The following PHACTR1 variants were observed in gnomAD, a reference collection of about 807,000 sequenced individuals.
PHACTR1 encodes the protein phosphatase and actin regulator 1.
PHACTR1 carries 16 observed loss-of-function variants against 69.2 expected under a neutral mutation model. The observed-to-expected ratio is 0.23, with a 90% CI of 0.16 to 0.35. The LOEUF (loss-of-function observed/expected upper bound fraction) is 0.35. Among genes scored for constraint, PHACTR1 ranks in the 10% least tolerant of loss-of-function variants. The probability of loss-of-function intolerance (pLI) is 1.00; values close to 1 mark genes in which losing one functional copy is unlikely to be tolerated. For missense variants in PHACTR1, 510 were observed against 734.7 expected, an observed-to-expected ratio of 0.69 and a Z score of 3.54; for synonymous variants, 312 against 284.5, an observed-to-expected ratio of 1.10 and a Z score of -0.97.
chr6:12,948,244 C>G, intron 4 of PHACTR1, among the ~76,000 whole-genome samples: 1 of 152,186 alleles, frequency 6.6e-6, no homozygotes, highest in South Asian at 2.1e-4. Flanking sequence ...TGTACAGAGC[C>G]CCTGAGATTA....
intron 3 of PHACTR1, among the ~76,000 whole-genome samples, chr6:12,725,224 C>A (rs1464197321): frequency 6.6e-6 from 1 of 152,196 alleles, no homozygotes; most frequent in African/African-American, 2.4e-5. Flanking sequence ...ACTTTTGAGT[C>A]TTCAGCTTTG....
intron 4 of PHACTR1, among the ~76,000 whole-genome samples, chr6:13,022,067 C>T (rs763465894): frequency 6.6e-6 from 1 of 152,236 alleles, no homozygotes; most frequent in African/African-American, 2.4e-5. Context: ...CCTGGAGATT[C>T]ACACTTTACT....
chr6:13,003,965 G>GTATATA lies in PHACTR1; in HGVS notation c.251-49391_251-49386dup, dbSNP rs772804033. Among the ~76,000 whole-genome samples, 125 of 96,192 alleles carry GTATATA rather than the reference G, an allele frequency of 1.3e-3. 3 individuals are homozygous for GTATATA. Among genetic ancestry groups the GTATATA allele is most frequent in the African/African-American group, 6.9e-3 (116 of 16,896 alleles). 63.1% of individuals were successfully genotyped at this position (96,192 alleles called of 152,430 possible). On this transcript the variant is annotated intron_variant, in intron 4 of 14. Transcript: ENST00000332995. ...CAGTAGTATTCCTATATATATATAT[G>GTATATA]TATATATATATATACACATATATAT...
chr6:12,897,900 T>C (rs1343192232), intron 4 of PHACTR1, among the ~76,000 whole-genome samples: 1 of 152,090 alleles, frequency 6.6e-6, no homozygotes, highest in Non-Finnish European at 1.5e-5. Flanking sequence ...GTGCGTGATG[T>C]TCCCCTCCTT....
At position 12,718,761 on chromosome 6, in the gene PHACTR1, T is replaced by C; in HGVS notation, c.17T>C (p.Met6Thr). ...ACATCAAGGATGGATTATCCCAAAA[T>C]GGATTATTTTCTGGATGTAGAGTCT... MDYPKMDYFLDVESAH... is the reference protein window; with the variant it reads MDYPKTDYFLDVESAH... The change falls in exon 3 of 15, where the codon ATG becomes ACG. Residue 6 changes from methionine (M) to threonine (T), a missense_variant. This residue lies in a region of PHACTR1 where 419 missense variants were observed against 530.9 expected (regional missense o/e 0.79). Coordinates refer to ENST00000332995, the MANE Select transcript of PHACTR1 (RefSeq NM_030948.6). 1.3e-6 allele frequency: 2 copies of C among 1,554,580 alleles called. No homozygotes were observed. Among genetic ancestry groups the C allele is most frequent in the Non-Finnish European group, 1.7e-6 (2 of 1,144,946 alleles).
At chr6:12,829,589 A>C (rs931197766) in intron 4 of PHACTR1, among the ~76,000 whole-genome samples, 13 of 152,298 alleles carry the variant, frequency 8.5e-5, no homozygotes, top group African/African-American at 2.9e-4. Flanking sequence ...AACTCTTTAA[A>C]ATAGCCCAGA....
intron 6 of PHACTR1, among the ~76,000 whole-genome samples, chr6:13,169,614 C>G (rs1262493157): frequency 1.3e-5 from 2 of 152,122 alleles, no homozygotes; most frequent in African/African-American, 2.4e-5. Context: ...GAAGCCAACA[C>G]AAGAGACTGT....
chr6:12,980,849 C>T (rs1043974629), intron 4 of PHACTR1, among the ~76,000 whole-genome samples: 13 of 151,898 alleles, frequency 8.6e-5, no homozygotes, highest in African/African-American at 3.1e-4. Context: ...TTCAGAAATC[C>T]CCAAGTAGGA....
Position 13,287,123 on chromosome 6 carries a change from T to C in PHACTR1, c.*45T>C. ...TGCTATGCTGTCTTCAAAACATAAA[T>C]TTATAAGAACCATAAGTGCTGGTAT... On this transcript the variant is annotated 3_prime_UTR_variant, in exon 15 of 15. Coordinates refer to ENST00000332995, the MANE Select transcript of PHACTR1 (RefSeq NM_030948.6). The C allele has an allele frequency of 6.4e-7, 1 of 1,556,874 alleles. No individual in the cohort carries two copies.
chr6:13,209,462 C>T (rs1011571796), intron 8 of PHACTR1, among the ~76,000 whole-genome samples: 1 of 152,248 alleles, frequency 6.6e-6, no homozygotes, highest in African/African-American at 2.4e-5. Context: ...GACCGACCCC[C>T]TGTTTGGGCC....
chr6:12,933,661 A>G, intron 4 of PHACTR1: 1 of 1,612,798 alleles, frequency 6.2e-7, no homozygotes, highest in Non-Finnish European at 8.5e-7. Context: ...ATATGGATGA[A>G]GCAAGAATGG....
chr6:13,210,627 T>C (rs1326830356), intron 8 of PHACTR1, among the ~76,000 whole-genome samples: 1 of 152,214 alleles, frequency 6.6e-6, no homozygotes. Flanking sequence ...CTTTTTGATT[T>C]TCATGCCTTA....
At chr6:12,839,020 A>G (rs1474038288) in intron 4 of PHACTR1, among the ~76,000 whole-genome samples, 1 of 152,176 alleles carries the variant, frequency 6.6e-6, no homozygotes, top group Non-Finnish European at 1.5e-5. Flanking sequence ...TAAATGGTTC[A>G]TATGTGTAAT....
chr6:12,853,562 A>G (rs1163862930), intron 4 of PHACTR1, among the ~76,000 whole-genome samples: 1 of 152,168 alleles, frequency 6.6e-6, no homozygotes, highest in Non-Finnish European at 1.5e-5. Context: ...CATACCCAAG[A>G]CTGGGTAATT....
intron 4 of PHACTR1, among the ~76,000 whole-genome samples, chr6:12,873,491 G>A (rs1248851893): frequency 3.3e-5 from 5 of 151,804 alleles, no homozygotes; most frequent in Admixed American, 6.6e-5. Context: ...ACATAAGTGC[G>A]TTACTGAGCC....
At chr6:12,746,458 G>C (rs1765795752) in intron 3 of PHACTR1, among the ~76,000 whole-genome samples, 1 of 152,134 alleles carries the variant, frequency 6.6e-6, no homozygotes, top group African/African-American at 2.4e-5. Flanking sequence ...GATTGCTTGA[G>C]CCTGGGGAGG....
At chr6:13,126,688 C>T (rs544051729) in intron 5 of PHACTR1, among the ~76,000 whole-genome samples, 1 of 152,296 alleles carries the variant, frequency 6.6e-6, no homozygotes, top group East Asian at 1.9e-4. Context: ...TATCGCACCA[C>T]CTTATGTGAT....
At chr6:13,008,901 G>A (rs1238333336) in intron 4 of PHACTR1, among the ~76,000 whole-genome samples, 2 of 152,190 alleles carry the variant, frequency 1.3e-5, no homozygotes, top group Non-Finnish European at 2.9e-5. Flanking sequence ...CACAAAGTTA[G>A]CGGCTTAAAA....
chr6:12,912,272 T>C (rs755638573), intron 4 of PHACTR1, among the ~76,000 whole-genome samples: 18 of 152,178 alleles, frequency 1.2e-4, no homozygotes, highest in Non-Finnish European at 2.2e-4. Flanking sequence ...AGTGCTGGGA[T>C]TACAGGCATG....
Sources: gnomAD v4.1 joint callset for allele counts (sites outside exome capture counted in the v4.1 genomes callset) on GRCh38, gnomAD v4.1.1 for gene constraint, gnomAD v4.1.1 regional missense constraint, MANE v1.5 for transcripts, NCBI Gene and HGNC (gene_info 2026-07-23, HGNC 2026-07-21) for gene names.